The following SH3D19 variants were observed in gnomAD, a reference collection of about 807,000 sequenced individuals.
SH3D19 encodes the protein SH3 domain containing 19.
Under a neutral mutation model 112.1 loss-of-function variants are expected in SH3D19, and 58 were observed. The ratio of observed to expected loss-of-function variants is 0.52; its 90% CI spans 0.42 to 0.64. The LOEUF (loss-of-function observed/expected upper bound fraction) is 0.64. Ranked by LOEUF, SH3D19 falls within the 30% of genes least tolerant of loss-of-function variation. SH3D19 has a pLI of 0.00. For missense variants in SH3D19, 1,090 were observed against 1,263.4 expected (o/e 0.86, Z 2.08); for synonymous variants, 391 against 448.5 (o/e 0.87, Z 1.62).
chr4:151,311,788 C>A (rs1176487494), intron 1 of SH3D19, among the ~76,000 whole-genome samples: 1 of 152,006 alleles, frequency 6.6e-6, no homozygotes, highest in Non-Finnish European at 1.5e-5. Context: ...TTCAGTGAGC[C>A]GTGATTGCAC....
In SH3D19 at chr4:151,227,999, C is replaced by G. The variant is rs1023019221; in HGVS notation, c.113-1913G>C. 5.1e-6 allele frequency: 5 copies of G among 985,288 alleles called. No individual in the cohort carries two copies. The African/African-American group carries it at 8.7e-5, about 17-fold the overall frequency. 61.0% of individuals were successfully genotyped at this position (985,288 alleles called of 1,614,324 possible). On this transcript the variant is annotated intron_variant, in intron 1 of 19. Coordinates refer to ENST00000604030, the MANE Select transcript of SH3D19 (RefSeq NM_001378122.1). ...GATGTGCTATGACCAGTCTGCACAG[C>G]TGGAATGTGGCCACTCAGGAAGCAA...
At chr4:151,190,083 C>T (rs1192511511) in intron 2 of SH3D19, among the ~76,000 whole-genome samples, 1 of 152,146 alleles carries the variant, frequency 6.6e-6, no homozygotes, top group Non-Finnish European at 1.5e-5. Flanking sequence ...TATGTTTTAG[C>T]AAAGAGACTG....
intron 2 of SH3D19, among the ~76,000 whole-genome samples, chr4:151,215,283 C>T (rs905216268): frequency 1.3e-5 from 2 of 152,190 alleles, no homozygotes; most frequent in Non-Finnish European, 2.9e-5. Flanking sequence ...TAGAGTTTCT[C>T]TTCAGAATCC....
At position 151,151,089 on chromosome 4, in the gene SH3D19, T is replaced by C. The variant is rs543788209; in HGVS notation, c.1756-1528A>G. Among the ~76,000 whole-genome samples the C allele has an allele frequency of 3.2e-3, 483 of 151,724 alleles. 5 individuals are homozygous for C. Among genetic ancestry groups the C allele is most frequent in the Admixed American group, 5.3e-3 (81 of 15,204 alleles). ...GATTCTCCTGCCTCAGCTTCCCGAG[T>C]GGCTGAGACTACAGGCGTGTGCCAC... On this transcript the variant is annotated intron_variant, in intron 9 of 19. Transcript: ENST00000604030.
At chr4:151,146,786 G>A (rs574192362) in intron 11 of SH3D19, among the ~76,000 whole-genome samples, 25 of 152,074 alleles carry the variant, frequency 1.6e-4, no homozygotes, top group African/African-American at 5.3e-4. Flanking sequence ...CACCCGCCTC[G>A]GCCTCCCAAA....
chr4:151,322,363 G>C (rs779403349), intron 1 of SH3D19, among the ~76,000 whole-genome samples: 1 of 150,020 alleles, frequency 6.7e-6, no homozygotes, highest in Non-Finnish European at 1.5e-5. Flanking sequence ...AACCTGGGAG[G>C]TGAAGGTTGC....
intron 2 of SH3D19, among the ~76,000 whole-genome samples, chr4:151,199,996 A>G (rs1764159704): frequency 6.6e-6 from 1 of 152,168 alleles, no homozygotes; most frequent in Admixed American, 6.6e-5. Context: ...TAATGTTCTC[A>G]TAAAAGAGGC....
At chr4:151,278,600 G>A (rs1395853466) in intron 1 of SH3D19, among the ~76,000 whole-genome samples, 4 of 151,936 alleles carry the variant, frequency 2.6e-5, no homozygotes, top group Admixed American at 2.6e-4. Flanking sequence ...TGTGACCTAG[G>A]GTTTCCTTCT....
At chr4:151,275,161 A>T (rs1773497143) in intron 1 of SH3D19, among the ~76,000 whole-genome samples, 1 of 150,094 alleles carries the variant, frequency 6.7e-6, no homozygotes, top group Non-Finnish European at 1.5e-5. Context: ...ATCTCGGCTC[A>T]CTGCAAGCTC....
At chr4:151,277,778 C>T (rs1237426044) in intron 1 of SH3D19, among the ~76,000 whole-genome samples, 3 of 152,168 alleles carry the variant, frequency 2.0e-5, no homozygotes, top group South Asian at 2.1e-4. Flanking sequence ...CAGCAGCTCA[C>T]GCCTGTAATC....
intron 2 of SH3D19, among the ~76,000 whole-genome samples, chr4:151,223,494 G>A (rs1207906867): frequency 6.6e-6 from 1 of 152,048 alleles, no homozygotes; most frequent in East Asian, 1.9e-4. Flanking sequence ...AGATGTCCAG[G>A]ATCATCTTGT....
At chr4:151,144,212 T>G in intron 11 of SH3D19, 162 bp from the exon 12 acceptor site, 1 of 1,611,598 alleles carries the variant, frequency 6.2e-7, no homozygotes. Context: ...GAAAGAGCTC[T>G]ACTTTACCTT....
At chr4:151,152,242 A>C (rs2149784793) in intron 9 of SH3D19, among the ~76,000 whole-genome samples, 1 of 152,292 alleles carries the variant, frequency 6.6e-6, no homozygotes, top group South Asian at 2.1e-4. Context: ...GGTTCTGCTG[A>C]GTCTTTGCAA....
At chr4:151,143,277 A>G (rs1430559516) in intron 12 of SH3D19, among the ~76,000 whole-genome samples, 1 of 152,014 alleles carries the variant, frequency 6.6e-6, no homozygotes, top group Non-Finnish European at 1.5e-5. Flanking sequence ...TATTTTTCAC[A>G]AAGGAAAGCT....
chr4:151,312,692 A>G (rs1250861778), intron 1 of SH3D19, among the ~76,000 whole-genome samples: 1 of 152,112 alleles, frequency 6.6e-6, no homozygotes, highest in Non-Finnish European at 1.5e-5. Context: ...TCAGGTCAGG[A>G]GTTTGAGATC....
At chr4:151,186,726 C>T (rs549845347) in intron 3 of SH3D19, among the ~76,000 whole-genome samples, 2 of 150,920 alleles carry the variant, frequency 1.3e-5, no homozygotes, top group Admixed American at 6.6e-5. Context: ...CATGAGCCAC[C>T]GTGCCTGCCA....
chr4:151,185,580 C>T (rs1013809921), intron 3 of SH3D19, among the ~76,000 whole-genome samples: 1 of 152,178 alleles, frequency 6.6e-6, no homozygotes, highest in African/African-American at 2.4e-5. Context: ...AAGAAGTTTT[C>T]ATTTTTATAT....
rs189650287 is a variant in SH3D19 at position 151,197,609 on chromosome 4, G to A, written c.153-10146C>T. The stretch of plus-strand genomic sequence containing the variant: ...AGCATATTCATCTCAATTAACCACT[G>A]CAATATTCTCCTGTGAAAAATAAAA... On this transcript the variant is annotated intron_variant, in intron 2 of 19. Coordinates refer to ENST00000604030, the MANE Select transcript of SH3D19 (RefSeq NM_001378122.1). Among the ~76,000 whole-genome samples the A allele has an allele frequency of 2.6e-5, 4 of 152,208 alleles. No homozygotes were observed. The East Asian group carries it at 7.7e-4, about 29-fold the overall frequency.
intron 2 of SH3D19, among the ~76,000 whole-genome samples, chr4:151,222,193 G>A (rs1385212743): frequency 1.3e-5 from 2 of 152,112 alleles, no homozygotes; most frequent in Non-Finnish European, 1.5e-5. Flanking sequence ...ACCCACAGAG[G>A]TGCATTCTGT....
Sources: allele counts gnomAD v4.1 joint callset (sites outside exome capture counted in the v4.1 genomes callset), GRCh38; gene constraint gnomAD v4.1.1; transcripts MANE v1.5; gene names NCBI Gene and HGNC (gene_info 2026-07-23, HGNC 2026-07-21).